The following ARHGAP22 variants were observed in gnomAD, a reference collection of about 807,000 sequenced individuals.
The protein encoded by ARHGAP22 is Rho GTPase activating protein 22, also known as rho GTPase-activating protein 22.
ARHGAP22 carries 48 observed loss-of-function variants against 59.1 expected under a neutral mutation model. The observed-to-expected ratio is 0.81, with a 90% CI of 0.64 to 1.03. ARHGAP22 has a LOEUF of 1.03. Among genes scored for constraint, ARHGAP22 ranks in the 50% least tolerant of loss-of-function variants. ARHGAP22 has a pLI of 0.00. For missense variants in ARHGAP22, 1,015 were observed against 958.7 expected (o/e 1.06, Z -0.78); for synonymous variants, 445 against 416.4 (o/e 1.07, Z -0.84).
intron 3 of ARHGAP22, among the ~76,000 whole-genome samples, chr10:48,522,359 G>A (rs1377233037): frequency 6.6e-6 from 1 of 152,246 alleles, no homozygotes; most frequent in African/African-American, 2.4e-5. Flanking sequence ...CCCAGACCAG[G>A]CTTTTTCCTT....
chr10:48,577,124 C>T (rs761068971), intron 2 of ARHGAP22, among the ~76,000 whole-genome samples: 1 of 152,060 alleles, frequency 6.6e-6, no homozygotes, highest in Non-Finnish European at 1.5e-5. Context: ...TCCTCTTCTT[C>T]CTAGAAGTGT....
intron 2 of ARHGAP22, among the ~76,000 whole-genome samples, chr10:48,573,999 G>A (rs1321447814): frequency 6.6e-6 from 1 of 152,206 alleles, no homozygotes; most frequent in East Asian, 1.9e-4. Flanking sequence ...TATTGAACAA[G>A]TGTTTATTGA....
At chr10:48,443,571 A>G (rs937592467), downstream of ARHGAP22, among the ~76,000 whole-genome samples, 2 of 152,096 alleles carry the variant, frequency 1.3e-5, no homozygotes, top group Non-Finnish European at 2.9e-5. Context: ...AAGGAGACAC[A>G]GCAGCAGTGT....
chr10:48,615,230 T>C (rs10857610), intron 1 of ARHGAP22, among the ~76,000 whole-genome samples: 56,913 of 152,062 alleles, frequency 0.37, 11,571 homozygotes, highest in African/African-American at 0.55. Flanking sequence ...CGGTTGTAAA[T>C]TTCTGGGCTG....
chr10:48,544,869 A>G (rs1425468463), intron 3 of ARHGAP22, among the ~76,000 whole-genome samples: 1 of 152,246 alleles, frequency 6.6e-6, no homozygotes, highest in Admixed American at 6.5e-5. Context: ...ATGAATATGT[A>G]CAATTATTAT....
upstream of ARHGAP22, among the ~76,000 whole-genome samples, chr10:48,609,533 T>G (rs149091161): frequency 9.2e-5 from 14 of 152,308 alleles, 1 homozygote; most frequent in East Asian, 2.7e-3. Flanking sequence ...AACCTGGAAG[T>G]ATCTTGAGAG....
At chr10:48,600,799 CA>C (rs1388161450) in intron 1 of ARHGAP22, among the ~76,000 whole-genome samples, 11 of 152,290 alleles carry the variant, frequency 7.2e-5, no homozygotes, top group African/African-American at 2.4e-4. Context: ...CAGGCTTGGG[CA>C]CCTCTGCTGT....
At chr10:48,436,009 T>C in the ARHGAP22 span, 1 of 152,226 alleles carries the variant, frequency 6.6e-6, no homozygotes. Context: ...TTCCTATTAC[T>C]TGGAGTGTCT....
intron 4 of ARHGAP22, among the ~76,000 whole-genome samples, chr10:48,467,704 G>A (rs926620826): frequency 1.3e-5 from 2 of 152,296 alleles, no homozygotes; most frequent in East Asian, 3.9e-4. Flanking sequence ...ATAAATGCAT[G>A]CATATTGGAA....
At chr10:48,482,508 A>T (rs2049424677) in intron 3 of ARHGAP22, among the ~76,000 whole-genome samples, 1 of 152,224 alleles carries the variant, frequency 6.6e-6, no homozygotes, top group Non-Finnish European at 1.5e-5. Flanking sequence ...AAGTGGTGAG[A>T]GCAGACATTC....
chr10:48,530,661 T>C (rs938384832), intron 3 of ARHGAP22, among the ~76,000 whole-genome samples: 7 of 152,130 alleles, frequency 4.6e-5, no homozygotes, highest in Middle Eastern at 3.4e-3. Context: ...AACAAGCATA[T>C]AGAAAAATGC....
At chr10:48,630,355 G>C (rs537077380) in intron 1 of ARHGAP22, among the ~76,000 whole-genome samples, 1 of 152,140 alleles carries the variant, frequency 6.6e-6, no homozygotes. Context: ...CTCCCAAAGC[G>C]CTGGGATTAC....
intron 1 of ARHGAP22, among the ~76,000 whole-genome samples, chr10:48,613,287 G>C (rs2060962702): frequency 6.6e-6 from 1 of 152,122 alleles, no homozygotes; most frequent in Non-Finnish European, 1.5e-5. Context: ...TTTTCTTGGA[G>C]GTCACTGATG....
intron 1 of ARHGAP22, among the ~76,000 whole-genome samples, chr10:48,627,540 C>T (rs2061493335): frequency 6.6e-6 from 1 of 152,206 alleles, no homozygotes; most frequent in Admixed American, 6.5e-5. Context: ...AGGGCCTGTC[C>T]CATTCCCATC....
Position 48,506,924 on chromosome 10 carries a change from T to C in ARHGAP22, c.323-27160A>G, listed in dbSNP as rs1033013137. On this transcript the variant is annotated intron_variant, in intron 3 of 9. Transcript: ENST00000249601. ...ATTTTATGCTTTGTCTGCTAGACTC[T>C]TAGTTCAGCGCTATTCCCCTTGGCA... Among the ~76,000 whole-genome samples, 7 of 152,320 alleles carry C rather than the reference T, an allele frequency of 4.6e-5. No individual in the cohort carries two copies. The South Asian group carries it at 1.2e-3, about 27-fold the overall frequency.
chr10:48,450,203 A>G (rs1372719604), intron 9 of ARHGAP22, 58 bp downstream of exon 9: 1 of 1,572,390 alleles, frequency 6.4e-7, no homozygotes, highest in African/African-American at 1.3e-5. Flanking sequence ...TGCCAAGAGC[A>G]CGGCTCTCCC....
At chr10:48,436,590 C>A in the ARHGAP22 span, 1 of 152,214 alleles carries the variant, frequency 6.6e-6, no homozygotes, top group African/African-American at 2.4e-5. Context: ...GGAGCAAGAA[C>A]AGGTGCGGCT....
intron 4 of ARHGAP22, among the ~76,000 whole-genome samples, chr10:48,469,555 A>T (rs1822860): frequency 1.3e-5 from 2 of 152,140 alleles, no homozygotes; most frequent in African/African-American, 4.8e-5. Flanking sequence ...CCCCCTCCCC[A>T]ACCAAGACAA....
At chr10:48,505,671 T>C (rs1219914124) in intron 3 of ARHGAP22, among the ~76,000 whole-genome samples, 1 of 152,106 alleles carries the variant, frequency 6.6e-6, no homozygotes, top group Admixed American at 6.5e-5. Flanking sequence ...GATGGGTGGA[T>C]GGGGATCCCC....
Sources: allele counts gnomAD v4.1 joint callset (sites outside exome capture counted in the v4.1 genomes callset), GRCh38; gene constraint gnomAD v4.1.1; transcripts MANE v1.5; gene names NCBI Gene and HGNC (gene_info 2026-07-23, HGNC 2026-07-21).